Variants in COG7 observed in about 807,000 individuals in gnomAD.
COG7 encodes component of oligomeric golgi complex 7, also known as conserved oligomeric Golgi complex subunit 7.
In COG7, 49 loss-of-function variants were observed where a neutral mutation model predicts 91.5. The ratio of observed to expected loss-of-function variants is 0.54; its 90% CI spans 0.43 to 0.68. The LOEUF is 0.68. Ranked by LOEUF, COG7 falls within the 30% of genes least tolerant of loss-of-function variation. The pLI is 0.00. For synonymous variants in COG7, 365 were observed against 388.7 expected, an observed-to-expected ratio of 0.94 and a Z score of 0.72; for missense variants, 895 against 961.3, an observed-to-expected ratio of 0.93 and a Z score of 0.91.
At chr16:23,420,910 ATTTT>A (rs72250117) in intron 7 of COG7, among the ~76,000 whole-genome samples, 1 of 118,486 alleles carries the variant, frequency 8.4e-6, no homozygotes, top group African/African-American at 3.5e-5. Context: ...TACCTGGCTA[ATTTT>A]TTTTTTTTTT....
At chr16:23,392,193 G>C (rs760180003) in intron 16 of COG7, 187 bp downstream of exon 16, 1 of 1,482,472 alleles carries the variant, frequency 6.7e-7, no homozygotes, top group African/African-American at 1.4e-5. Context: ...GCTTCAGCCC[G>C]GTCTTGCTAA....
intron 1 of COG7, among the ~76,000 whole-genome samples, chr16:23,447,752 T>C (rs1964204626): frequency 6.6e-6 from 1 of 151,494 alleles, no homozygotes; most frequent in Non-Finnish European, 1.5e-5. Context: ...ATACAAAAAT[T>C]AGCTGGGTGT....
At chr16:23,405,395 G>A (rs1963442862) in intron 12 of COG7, among the ~76,000 whole-genome samples, 1 of 152,184 alleles carries the variant, frequency 6.6e-6, no homozygotes, top group Non-Finnish European at 1.5e-5. Flanking sequence ...CCTCTCAGGA[G>A]GCTGACCCTG....
At position 23,417,038 on chromosome 16, in the gene COG7, G is replaced by A; in HGVS notation, c.1221C>T (p.Asp407=). Residue 407 remains aspartate, a synonymous_variant, in exon 9 of 17, where the codon GAC becomes GAT. Coordinates refer to ENST00000307149, the MANE Select transcript of COG7 (RefSeq NM_153603.4). The stretch of plus-strand genomic sequence containing the variant: ...GGCCATTGGTGAATCTGACGCATCT[G>A]TCAACGGCTGCAGACGCCAGACCAA... ...KLFGLASAAV[D]RCVRFTNGLG... The A allele has an allele frequency of 4.3e-6, 7 of 1,614,242 alleles. No individual in the cohort carries two copies. The highest frequency in any genetic ancestry group is 5.9e-6 in the Non-Finnish European group (7 of 1,180,034).
intron 7 of COG7, among the ~76,000 whole-genome samples, chr16:23,423,618 C>T (rs1212885305): frequency 2.0e-5 from 3 of 152,152 alleles, no homozygotes; most frequent in Admixed American, 1.3e-4. Flanking sequence ...CCAAAAACAC[C>T]GATGAGTCAT....
intron 16 of COG7, among the ~76,000 whole-genome samples, chr16:23,390,841 C>T (rs943419393): frequency 1.3e-5 from 2 of 152,246 alleles, no homozygotes; most frequent in East Asian, 1.9e-4. Flanking sequence ...GCAAAGGTGC[C>T]GCCAGGCACG....
At chr16:23,389,228 A>C in intron 16 of COG7, 142 bp from the exon 17 acceptor site, 2 of 921,418 alleles carry the variant, frequency 2.2e-6, no homozygotes, top group East Asian at 2.7e-5. Flanking sequence ...CCTGCCCTCA[A>C]TAGGCCCTTT....
At chr16:23,409,064 C>CGTGTGTGTGTGTGTGTGT in intron 11 of COG7, among the ~76,000 whole-genome samples, 2 of 141,478 alleles carry the variant, frequency 1.4e-5, no homozygotes, top group South Asian at 2.3e-4. Flanking sequence ...AGTGTGCATG[C>CGTGTGTGTGTGTGTGTGT]GTGTGTGTGT....
chr16:23,452,820 G>A lies in COG7; in HGVS notation c.169+6C>T. On this transcript the variant is annotated splice_donor_region_variant and intron_variant, in intron 1 of 16. Coordinates refer to ENST00000307149, the MANE Select transcript of COG7 (RefSeq NM_153603.4). Reference sequence around the variant, plus strand: ...GGTCCCGCGGCCAGGGCCCCGAGCGGCTCACCCTCCACGGCGTGGTTCACC... The same window carrying A: ...GGTCCCGCGGCCAGGGCCCCGAGCGACTCACCCTCCACGGCGTGGTTCACC... The A allele has an allele frequency of 1.2e-6, 2 of 1,610,118 alleles. No homozygotes were observed. Among genetic ancestry groups the A allele is most frequent in the East Asian group, 2.2e-5 (1 of 44,676 alleles).
chr16:23,405,517 CTTTTTTT>C (rs869133051), intron 12 of COG7, among the ~76,000 whole-genome samples: 2 of 139,174 alleles, frequency 1.4e-5, no homozygotes. Flanking sequence ...CTCTTTTTTC[CTTTTTTT>C]TTTTTTTTTT....
intron 16 of COG7, among the ~76,000 whole-genome samples, chr16:23,389,336 T>C (rs1019493377): frequency 1.3e-5 from 2 of 151,646 alleles, no homozygotes; most frequent in Non-Finnish European, 2.9e-5. Flanking sequence ...ATCACTCCCA[T>C]CCCCAACCAC....
intron 1 of COG7, among the ~76,000 whole-genome samples, chr16:23,450,226 GCGC>G (rs1398587906): frequency 6.6e-6 from 1 of 152,106 alleles, no homozygotes; most frequent in Non-Finnish European, 1.5e-5. Context: ...ATGAGCCACT[GCGC>G]CCAGCCAATT....
chr16:23,397,194 C>T (rs1963299414), intron 14 of COG7, among the ~76,000 whole-genome samples: 1 of 152,196 alleles, frequency 6.6e-6, no homozygotes, highest in Non-Finnish European at 1.5e-5. Context: ...TAAGCATGAG[C>T]CACCATGCCC....
chr16:23,452,938 C>T lies in COG7; in HGVS notation c.57G>A (p.Ala19=). ...CCTCCTTGGAGCCGGCCCTGAAGGC[C>T]GCATTGATCCACTCCTTCACGTCGA... ...DDFDVKEWIN[A]AFRAGSKEAA... is the part of the protein sequence containing the mutation. Residue 19 remains alanine, a synonymous_variant, in exon 1 of 17, where the codon GCG becomes GCA. Transcript: ENST00000307149. The T allele has an allele frequency of 1.2e-6, 2 of 1,614,088 alleles. No individual in the cohort carries two copies. Among genetic ancestry groups the T allele is most frequent in the Non-Finnish European group, 1.7e-6 (2 of 1,179,986 alleles).
intron 9 of COG7, chr16:23,415,833 A>C (rs1005670998): frequency 6.6e-6 from 1 of 152,016 alleles, no homozygotes; most frequent in Non-Finnish European, 1.5e-5. Flanking sequence ...ACCCTTCCCC[A>C]AACCCTCCTC....
chr16:23,437,947 T>A (rs566382695), intron 4 of COG7, among the ~76,000 whole-genome samples: 1 of 152,002 alleles, frequency 6.6e-6, no homozygotes, highest in African/African-American at 2.4e-5. Context: ...TAGCTGGGTG[T>A]GGTGGCACAC....
intron 4 of COG7, among the ~76,000 whole-genome samples, chr16:23,440,116 C>T (rs1347781725): frequency 3.3e-5 from 5 of 150,618 alleles, no homozygotes; most frequent in Admixed American, 6.6e-5. Context: ...AGGCTGGGCA[C>T]GGTGGCTCAC....
chr16:23,411,464 C>T (rs755908982), intron 10 of COG7, among the ~76,000 whole-genome samples: 3 of 152,140 alleles, frequency 2.0e-5, no homozygotes, highest in South Asian at 2.1e-4. Context: ...CAAACCACCA[C>T]GGGTGATAAG....
intron 4 of COG7, among the ~76,000 whole-genome samples, chr16:23,439,549 C>G (rs756885828): frequency 2.0e-5 from 3 of 152,150 alleles, no homozygotes; most frequent in Non-Finnish European, 4.4e-5. Context: ...GAAATTTTGA[C>G]ACATGCTACA....
Sources: gnomAD v4.1 joint callset for allele counts (sites outside exome capture counted in the v4.1 genomes callset) on GRCh38, gnomAD v4.1.1 for gene constraint, MANE v1.5 for transcripts, NCBI Gene and HGNC (gene_info 2026-07-23, HGNC 2026-07-21) for gene names.